UBL3: variants seen among roughly 807,000 people sequenced by gnomAD.
The protein encoded by UBL3 is ubiquitin like 3.
In UBL3, 6 loss-of-function variants were observed where a neutral mutation model predicts 18.4. The ratio of observed to expected loss-of-function variants is 0.33; its 90% CI spans 0.18 to 0.64. UBL3 has a LOEUF of 0.64. Ranked by LOEUF, UBL3 falls within the 30% of genes least tolerant of loss-of-function variation. UBL3 has a pLI of 0.76. For synonymous variants in UBL3, 49 were observed against 46.6 expected (o/e 1.05, Z -0.21); for missense variants, 109 against 142.9 (o/e 0.76, Z 1.21).
At chr13:29,812,362 A>T (rs1052848288) in intron 1 of UBL3, among the ~76,000 whole-genome samples, 1 of 152,054 alleles carries the variant, frequency 6.6e-6, no homozygotes, top group Non-Finnish European at 1.5e-5. Flanking sequence ...CTTTAAGTAT[A>T]TGCAGCTCAT....
rs952881607 is a variant in UBL3, at chr13:29,764,581, G to A, written c.*2674C>T. The A allele has an allele frequency of 6.6e-6, 1 of 152,108 alleles. No individual in the cohort carries two copies. The highest frequency in any genetic ancestry group is 6.5e-5 in the Admixed American group (1 of 15,282). 9.4% of individuals were successfully genotyped at this position (152,108 alleles called of 1,614,324 possible). A position where few individuals can be genotyped will look rare whatever the true frequency, so the allele number is the denominator to read the frequency against. Reference sequence around the variant, plus strand: ...AATGTTAGATACTGTATTTTTCCATGGTAAAATACAACTTATCTTGAAGAG... The same window carrying A: ...AATGTTAGATACTGTATTTTTCCATAGTAAAATACAACTTATCTTGAAGAG... On this transcript the variant is annotated 3_prime_UTR_variant, in exon 5 of 5. Transcript: ENST00000380680.
chr13:29,780,611 A>T (rs889524796), intron 1 of UBL3, among the ~76,000 whole-genome samples: 1 of 151,984 alleles, frequency 6.6e-6, no homozygotes. Context: ...TTGCTGTGCT[A>T]TAACAGGCTA....
At chr13:29,820,336 C>T (rs776945477) in intron 1 of UBL3, among the ~76,000 whole-genome samples, 22 of 151,970 alleles carry the variant, frequency 1.4e-4, no homozygotes, top group Non-Finnish European at 2.1e-4. Context: ...GCCATCATGC[C>T]CAGCTAATTT....
intron 1 of UBL3, among the ~76,000 whole-genome samples, chr13:29,836,230 C>T (rs1377516780): frequency 1.3e-5 from 2 of 152,080 alleles, no homozygotes; most frequent in Non-Finnish European, 2.9e-5. Flanking sequence ...ACTTAAGCAA[C>T]TGCTTGGCTG....
At chr13:29,832,791 C>T (rs776185482) in intron 1 of UBL3, among the ~76,000 whole-genome samples, 2 of 152,152 alleles carry the variant, frequency 1.3e-5, no homozygotes, top group Non-Finnish European at 2.9e-5. Flanking sequence ...AGCTTTGTGC[C>T]AACTGTCATT....
At chr13:29,782,333 C>A (rs1877198755) in intron 1 of UBL3, among the ~76,000 whole-genome samples, 1 of 152,116 alleles carries the variant, frequency 6.6e-6, no homozygotes, top group East Asian at 1.9e-4. Context: ...GTTCCTGCCA[C>A]AAAATTCTCA....
chr13:29,778,653 A>G (rs561027457), intron 1 of UBL3, among the ~76,000 whole-genome samples: 2 of 152,354 alleles, frequency 1.3e-5, no homozygotes, highest in South Asian at 4.1e-4. Flanking sequence ...GTCAGAGTCT[A>G]CAATGAATAA....
chr13:29,833,227 A>AACGGTGGAAGGCGGACC lies in UBL3; in HGVS notation c.27+16268_27+16284dup, dbSNP rs1315267736. On this transcript the variant is annotated intron_variant, in intron 1 of 4. Coordinates refer to ENST00000380680, the MANE Select transcript of UBL3 (RefSeq NM_007106.4). ...TATTTTCCATAGACAAATCTGGGAA[A>AACGGTGGAAGGCGGACC]ACGGTGGAAGGCGGACCGCAGTGGA... Among the ~76,000 whole-genome samples the AACGGTGGAAGGCGGACC allele has an allele frequency of 4.0e-5, 6 of 150,966 alleles. No homozygotes were observed. In the East Asian group the frequency reaches 1.2e-3, roughly 29 times the overall value.
intron 1 of UBL3, among the ~76,000 whole-genome samples, chr13:29,832,460 G>C (rs1033888268): frequency 2.6e-5 from 4 of 151,902 alleles, no homozygotes; most frequent in Non-Finnish European, 5.9e-5. Context: ...AGCCTCCCGA[G>C]TAGCTGGGAC....
At chr13:29,849,368 A>T in intron 1 of UBL3, 144 bp downstream of exon 1, 1 of 1,061,014 alleles carries the variant, frequency 9.4e-7, no homozygotes, top group Non-Finnish European at 1.4e-6. Flanking sequence ...GGGGGAAACC[A>T]GAAGCTCCAA....
chr13:29,830,222 T>C (rs1027349499), intron 1 of UBL3, among the ~76,000 whole-genome samples: 5 of 152,230 alleles, frequency 3.3e-5, no homozygotes, highest in Admixed American at 2.6e-4. Context: ...GTGGTTCTAA[T>C]TGAGAAATGA....
intron 1 of UBL3, among the ~76,000 whole-genome samples, chr13:29,815,054 T>C (rs1384909444): frequency 2.6e-5 from 4 of 152,174 alleles, no homozygotes; most frequent in Non-Finnish European, 2.9e-5. Flanking sequence ...TTTAAGATTA[T>C]TATTACTGTG....
chr13:29,808,804 A>G (rs569157581), intron 1 of UBL3, among the ~76,000 whole-genome samples: 1 of 152,270 alleles, frequency 6.6e-6, no homozygotes, highest in East Asian at 1.9e-4. Flanking sequence ...AAAAATATAA[A>G]GTAGCATATT....
At chr13:29,794,196 A>G (rs1877550871) in intron 1 of UBL3, among the ~76,000 whole-genome samples, 1 of 152,166 alleles carries the variant, frequency 6.6e-6, no homozygotes, top group South Asian at 2.1e-4. Flanking sequence ...ATGTTTGAAC[A>G]CTTACCAATA....
intron 1 of UBL3, among the ~76,000 whole-genome samples, chr13:29,823,622 C>T (rs898444796): frequency 9.9e-5 from 15 of 152,206 alleles, no homozygotes; most frequent in Admixed American, 1.3e-4. Context: ...GTGGCAACCA[C>T]ATTAACCTAG....
chr13:29,779,650 TC>T (rs1877095049), intron 1 of UBL3, among the ~76,000 whole-genome samples: 1 of 152,162 alleles, frequency 6.6e-6, no homozygotes, highest in Non-Finnish European at 1.5e-5. Flanking sequence ...ACCATGGAAA[TC>T]CATGCAGCTG....
intron 1 of UBL3, among the ~76,000 whole-genome samples, chr13:29,790,849 T>C (rs1469280851): frequency 6.6e-6 from 1 of 152,150 alleles, no homozygotes; most frequent in East Asian, 1.9e-4. Context: ...CCTTTTATAA[T>C]CCAAATATGG....
chr13:29,834,164 C>G (rs1306914958), intron 1 of UBL3, among the ~76,000 whole-genome samples: 1 of 136,976 alleles, frequency 7.3e-6, no homozygotes, highest in Non-Finnish European at 1.5e-5. Context: ...GCCTGGGTGA[C>G]AGAGCAAGAC....
rs1415348446 is a variant in UBL3, at chr13:29,766,196, T to C, written c.*1059A>G. 3 of 152,548 alleles carry C rather than the reference T, an allele frequency of 2.0e-5. No individual in the cohort carries two copies. The highest frequency in any genetic ancestry group is 7.2e-5 in the African/African-American group (3 of 41,428). The allele number at this position is 152,548 out of a possible 1,614,324, so 9.4% of individuals were successfully genotyped here. A position where few individuals can be genotyped will look rare whatever the true frequency, so the allele number is the denominator to read the frequency against. ...TATTGGTATGAAATAAAAGAAAAAG[T>C]GGCATTCTTGTGTATGCCATAAAAA... On this transcript the variant is annotated 3_prime_UTR_variant, in exon 5 of 5. Transcript: ENST00000380680.
Sources: gnomAD v4.1 joint callset for allele counts (sites outside exome capture counted in the v4.1 genomes callset) on GRCh38, gnomAD v4.1.1 for gene constraint, MANE v1.5 for transcripts, NCBI Gene and HGNC (gene_info 2026-07-23, HGNC 2026-07-21) for gene names.